Variants in ETS1 observed in about 807,000 individuals in gnomAD.
ETS1 encodes protein C-ets-1.
A neutral mutation model predicts 58.6 loss-of-function variants in ETS1; 15 were observed. The observed-to-expected ratio is 0.26, with a 90% CI of 0.17 to 0.39. ETS1 has a LOEUF of 0.39. Among genes scored for constraint, ETS1 ranks in the 10% least tolerant of loss-of-function variants. The pLI is 1.00. For synonymous variants in ETS1, 214 were observed against 218.2 expected (o/e 0.98, Z 0.17); for missense variants, 417 against 610.5 (o/e 0.68, Z 3.34).
At chr11:128,585,037 AAAGAAAGAAAG>A (rs1864963271) in intron 1 of ETS1, among the ~76,000 whole-genome samples, 5 of 7,172 alleles carry the variant, frequency 7.0e-4, no homozygotes, top group African/African-American at 2.0e-3. Context: ...GAAAGAAAAG[AAAGAAAGAAAG>A]AAAGAAAGAA....
chr11:128,584,090 C>T (rs1864927313), intron 1 of ETS1, among the ~76,000 whole-genome samples: 1 of 152,152 alleles, frequency 6.6e-6, no homozygotes, highest in African/African-American at 2.4e-5. Flanking sequence ...GGTATGGTCT[C>T]CAGCACAAGG....
At chr11:128,538,012 T>C (rs928036514) in intron 3 of ETS1, among the ~76,000 whole-genome samples, 5 of 152,198 alleles carry the variant, frequency 3.3e-5, no homozygotes, top group African/African-American at 1.2e-4. Flanking sequence ...TTCCCTCAAA[T>C]TGAATATATT....
At chr11:128,517,500 T>C (rs1162517472) in intron 3 of ETS1, among the ~76,000 whole-genome samples, 4 of 152,350 alleles carry the variant, frequency 2.6e-5, no homozygotes, top group Middle Eastern at 3.4e-3. Context: ...TATCTGGCTG[T>C]GCCCAGCACA....
chr11:128,480,278 C>T lies in ETS1; in HGVS notation c.1036G>A (p.Gly346Ser). The change falls in exon 8 of 10, where the codon GGC (glycine) becomes AGC (serine). Residue 346 changes from glycine to serine, a missense_variant. By Grantham distance (56) the Gly-to-Ser change is moderately conservative. This residue lies in a region of ETS1 where 139 missense variants were observed against 152.1 expected (regional missense o/e 0.91). Transcript: ENST00000392668. Reference sequence around the variant, plus strand: ...TCCCGCACATAGTCCTTGAAGGTGCCCTTGGGCTTGTGGTTGGGCAGGGCA... The same window carrying T: ...TCCCGCACATAGTCCTTGAAGGTGCTCTTGGGCTTGTGGTTGGGCAGGGCA... ...PAALPNHKPK[G>S]TFKDYVRDRA... 1 of 1,614,028 alleles carries T rather than the reference C, an allele frequency of 6.2e-7. No homozygotes were observed.
At position 128,511,112 on chromosome 11, in the gene ETS1, G is replaced by A. The variant is rs558944010; in HGVS notation, c.215-20536C>T. On this transcript the variant is annotated intron_variant, in intron 3 of 9. Coordinates refer to ENST00000392668, the MANE Select transcript of ETS1 (RefSeq NM_001143820.2). Reference sequence around the variant, plus strand: ...GTACAGTTCTTTTCCACAACATGCAGCTTAAGATTCAACAATTTTTTCATT... The same window carrying A: ...GTACAGTTCTTTTCCACAACATGCAACTTAAGATTCAACAATTTTTTCATT... 1.3e-4 allele frequency among the ~76,000 whole-genome samples: 20 copies of A among 152,258 alleles called. No individual in the cohort carries two copies. In the South Asian group the frequency reaches 2.1e-3, roughly 16 times the overall value.
chr11:128,478,589 A>G (rs1448345581), intron 8 of ETS1, among the ~76,000 whole-genome samples: 1 of 152,180 alleles, frequency 6.6e-6, no homozygotes, highest in East Asian at 1.9e-4. Context: ...AGCACTGCCA[A>G]TTAGAGATAA....
chr11:128,520,679 T>A (rs1353293559), intron 3 of ETS1, among the ~76,000 whole-genome samples: 2 of 152,198 alleles, frequency 1.3e-5, no homozygotes, highest in Admixed American at 6.5e-5. Context: ...AATCTCAGCC[T>A]TCTGTGCACA....
At chr11:128,559,891 G>A (rs991910196) in intron 2 of ETS1, among the ~76,000 whole-genome samples, 25 of 152,106 alleles carry the variant, frequency 1.6e-4, no homozygotes, top group Non-Finnish European at 3.1e-4. Context: ...CACCAAACAG[G>A]TCCCTGCTTA....
intron 3 of ETS1, among the ~76,000 whole-genome samples, chr11:128,491,048 C>T (rs1375470279): frequency 6.6e-6 from 1 of 152,138 alleles, no homozygotes; most frequent in Non-Finnish European, 1.5e-5. Context: ...GGGCTTTCCA[C>T]ATTGTGCTAG....
At chr11:128,550,178 T>G (rs928999508) in intron 3 of ETS1, among the ~76,000 whole-genome samples, 3 of 152,214 alleles carry the variant, frequency 2.0e-5, no homozygotes, top group African/African-American at 7.2e-5. Flanking sequence ...TGCTGGGGTC[T>G]TGAGGCATAG....
At chr11:128,551,278 T>C (rs1864224250) in intron 3 of ETS1, among the ~76,000 whole-genome samples, 1 of 152,188 alleles carries the variant, frequency 6.6e-6, no homozygotes, top group Non-Finnish European at 1.5e-5. Context: ...AAAAGCCAAA[T>C]TGGAGGCATC....
At chr11:128,533,048 G>A (rs1046531876) in intron 3 of ETS1, among the ~76,000 whole-genome samples, 4 of 152,070 alleles carry the variant, frequency 2.6e-5, no homozygotes, top group South Asian at 4.1e-4. Flanking sequence ...CCTTAGCCCC[G>A]CTCCCATCGC....
chr11:128,587,066 C>A (rs1865046571), intron 1 of ETS1, among the ~76,000 whole-genome samples: 1 of 150,016 alleles, frequency 6.7e-6, no homozygotes, highest in Non-Finnish European at 1.5e-5. Flanking sequence ...AAACTACTAG[C>A]AGGAGAAAAA....
chr11:128,532,361 A>G (rs1033629863), intron 3 of ETS1, among the ~76,000 whole-genome samples: 7 of 152,208 alleles, frequency 4.6e-5, no homozygotes, highest in African/African-American at 1.2e-4. Flanking sequence ...AGAATTTGCC[A>G]TTTACATCAG....
At chr11:128,531,811 G>A (rs1010264839) in intron 3 of ETS1, among the ~76,000 whole-genome samples, 2 of 152,126 alleles carry the variant, frequency 1.3e-5, no homozygotes, top group African/African-American at 4.8e-5. Flanking sequence ...TTAAGCAACT[G>A]GCCTCAGCAT....
intron 2 of ETS1, among the ~76,000 whole-genome samples, chr11:128,571,404 G>A (rs535623995): frequency 7.1e-6 from 1 of 141,036 alleles, no homozygotes; most frequent in Non-Finnish European, 1.5e-5. Flanking sequence ...GTGACAGAGC[G>A]AGACTCCGTC....
At chr11:128,483,561 G>A (rs1386732391) in intron 7 of ETS1, among the ~76,000 whole-genome samples, 1 of 152,198 alleles carries the variant, frequency 6.6e-6, no homozygotes, top group Non-Finnish European at 1.5e-5. Context: ...AGGCCGACTG[G>A]TCCCACCCAT....
At chr11:128,560,537 C>A (rs1368038406) in intron 2 of ETS1, among the ~76,000 whole-genome samples, 2 of 152,196 alleles carry the variant, frequency 1.3e-5, no homozygotes, top group African/African-American at 4.8e-5. Flanking sequence ...GCTAATAAAA[C>A]AATGGAGACA....
At chr11:128,497,527 T>G (rs182163429) in intron 3 of ETS1, 1 of 943,002 alleles carries the variant, frequency 1.1e-6, no homozygotes, top group East Asian at 1.2e-4. Context: ...CAAAAGGAGT[T>G]TTAACACATT....
Sources: allele counts gnomAD v4.1 joint callset (sites outside exome capture counted in the v4.1 genomes callset), GRCh38; gene constraint gnomAD v4.1.1; regional missense constraint gnomAD v4.1.1; transcripts MANE v1.5; gene names NCBI Gene and HGNC (gene_info 2026-07-23, HGNC 2026-07-21).